The following AKAP11 variants were observed in gnomAD, a reference collection of about 807,000 sequenced individuals.
AKAP11 encodes the protein A-kinase anchoring protein 11, also known as A-kinase anchor protein 11.
AKAP11 carries 36 observed loss-of-function variants against 146.1 expected under a neutral mutation model. The observed-to-expected ratio is 0.25, with a 90% CI of 0.19 to 0.33. The LOEUF is 0.33. AKAP11 is among the 10% of genes least tolerant of loss of function. AKAP11 has a pLI of 1.00. For synonymous variants in AKAP11, 780 were observed against 786.5 expected, an observed-to-expected ratio of 0.99 and a Z score of 0.14; for missense variants, 2,201 against 2,197.0, an observed-to-expected ratio of 1.00 and a Z score of -0.04.
intron 1 of AKAP11, among the ~76,000 whole-genome samples, chr13:42,275,209 GT>G: frequency 6.6e-6 from 1 of 152,344 alleles, no homozygotes; most frequent in Admixed American, 6.5e-5. Flanking sequence ...GTCTGTTCCA[GT>G]TTCTTTCAGA....
rs374768742 is a variant in AKAP11, at chr13:42,301,409, T to C, written c.2663T>C (p.Leu888Ser). Residue 888 changes from leucine (L) to serine (S), a missense_variant, in exon 8 of 13, where the codon TTA (leucine) becomes TCA (serine). Physicochemically the swap from Leu to Ser is moderately radical, Grantham distance 145. This residue lies in a region of AKAP11 where 1,867 missense variants were observed against 1,833.5 expected (regional missense o/e 1.02). Transcript: ENST00000025301. ...GTGCATACGATAGTAAATGAAACTTTAGAGTCAATGACATCATTGGAAGTT... is the reference window on the plus strand; with the variant it reads ...GTGCATACGATAGTAAATGAAACTTCAGAGTCAATGACATCATTGGAAGTT... ...AVVHTIVNET[L>S]ESMTSLEVTK... 25 of 1,613,574 alleles carry C rather than the reference T, an allele frequency of 1.5e-5. No individual in the cohort carries two copies. Among genetic ancestry groups the C allele is most frequent in the Admixed American group, 1.5e-4 (9 of 59,914 alleles).
Position 42,317,660 on chromosome 13 carries a change from A to G in AKAP11, c.5537A>G (p.His1846Arg), listed in dbSNP as rs1473343354. 6.2e-7 allele frequency: 1 copy of G among 1,613,924 alleles called. No individual in the cohort carries two copies. The highest frequency in any genetic ancestry group is 1.3e-5 in the African/African-American group (1 of 74,914). The change falls in exon 12 of 13, where the codon CAT (histidine) becomes CGT (arginine). Residue 1846 changes from histidine to arginine, a missense_variant. His to Arg is a conservative substitution (Grantham distance 29). This residue lies in a region of AKAP11 where 1,867 missense variants were observed against 1,833.5 expected (regional missense o/e 1.02). Transcript: ENST00000025301. Reference protein sequence around the residue: ...SEAEVAELYFHDSANKEFMLL... With the variant: ...SEAEVAELYFRDSANKEFMLL... Reference sequence around the variant, plus strand: ...GCTGAAGTTGCAGAACTTTATTTTCATGACTCTGCAAATAAGGAGTTTATG... The same window carrying G: ...GCTGAAGTTGCAGAACTTTATTTTCGTGACTCTGCAAATAAGGAGTTTATG...
chr13:42,317,952 TA>T (rs952213572), intron 12 of AKAP11, among the ~76,000 whole-genome samples: 3 of 151,996 alleles, frequency 2.0e-5, no homozygotes, highest in South Asian at 2.1e-4. Context: ...AATATAATGT[TA>T]AAAAAAATGC....
At chr13:42,312,954 C>A in intron 9 of AKAP11, 93 bp from the exon 10 acceptor site, 1 of 988,184 alleles carries the variant, frequency 1.0e-6, no homozygotes, top group Non-Finnish European at 1.5e-6. Context: ...AGAACATCTG[C>A]AGTTATCAAG....
rs1961069671 is a variant in AKAP11 at position 42,321,142 on chromosome 13, T to C, written c.*1914T>C. ...AATTATGAATTAATTGATTATTAAG[T>C]TTAGAATGCATTTTTACAAGTATCT... is the stretch of plus-strand genomic sequence containing the variant. On this transcript the variant is annotated 3_prime_UTR_variant, in exon 13 of 13. Coordinates refer to ENST00000025301, the MANE Select transcript of AKAP11 (RefSeq NM_016248.4). 1 of 152,344 alleles carries C rather than the reference T, an allele frequency of 6.6e-6. No individual in the cohort carries two copies. The highest frequency in any genetic ancestry group is 2.1e-4 in the South Asian group (1 of 4,826). 9.4% of individuals were successfully genotyped at this position (152,344 alleles called of 1,614,324 possible).
At chr13:42,310,183 C>T (rs751457286) in intron 9 of AKAP11, among the ~76,000 whole-genome samples, 2 of 152,250 alleles carry the variant, frequency 1.3e-5, no homozygotes, top group East Asian at 3.9e-4. Flanking sequence ...AAGTGGGGAG[C>T]AAACCTGGCT....
chr13:42,308,651 A>C, intron 9 of AKAP11, 42 bp downstream of exon 9: 4 of 1,443,726 alleles, frequency 2.8e-6, no homozygotes, highest in Non-Finnish European at 3.7e-6. Flanking sequence ...TTAGGTCCTC[A>C]GATCTTAGAA....
chr13:42,292,629 T>A, intron 4 of AKAP11, 128 bp downstream of exon 4: 1 of 516,332 alleles, frequency 1.9e-6, no homozygotes, highest in Non-Finnish European at 3.2e-6. Flanking sequence ...GTATCAGAAG[T>A]ACCTGTTTTG....
intron 1 of AKAP11, among the ~76,000 whole-genome samples, chr13:42,282,560 A>G (rs187103528): frequency 2.6e-5 from 4 of 152,194 alleles, no homozygotes; most frequent in African/African-American, 4.8e-5. Context: ...AAAGTGCCCT[A>G]TATCTCTGTT....
At chr13:42,271,861 C>T (rs947006627), upstream of AKAP11, among the ~76,000 whole-genome samples, 4 of 149,998 alleles carry the variant, frequency 2.7e-5, no homozygotes, top group African/African-American at 7.3e-5. Context: ...CGGGGCTGCC[C>T]CGCGGGCTGC....
Position 42,302,526 on chromosome 13 carries a change from G to A in AKAP11, c.3780G>A (p.Ala1260=), listed in dbSNP as rs368757742. The change falls in exon 8 of 13, where the codon GCG becomes GCA. Residue 1260 remains alanine (A), a synonymous_variant. Coordinates refer to ENST00000025301, the MANE Select transcript of AKAP11 (RefSeq NM_016248.4). ...DENLKTLCNF[A]GDLAAEVITE... Reference sequence around the variant, plus strand: ...ATTTGAAAACATTATGCAATTTTGCGGGTGATCTGGCAGCAGAAGTCATTA... The same window carrying A: ...ATTTGAAAACATTATGCAATTTTGCAGGTGATCTGGCAGCAGAAGTCATTA... 43 of 1,613,972 alleles carry A rather than the reference G, an allele frequency of 2.7e-5. No individual in the cohort carries two copies. The highest frequency in any genetic ancestry group is 3.1e-5 in the Non-Finnish European group (36 of 1,180,032).
intron 1 of AKAP11, among the ~76,000 whole-genome samples, chr13:42,274,636 G>T (rs927198511): frequency 6.6e-6 from 1 of 150,574 alleles, no homozygotes; most frequent in East Asian, 1.9e-4. Context: ...AGTGAGCCGA[G>T]ATCGTGCCAC....
intron 5 of AKAP11, among the ~76,000 whole-genome samples, chr13:42,296,684 CA>C (rs1959535289): frequency 6.6e-6 from 1 of 151,468 alleles, no homozygotes; most frequent in African/African-American, 2.4e-5. Flanking sequence ...CATTCTCTAG[CA>C]AAAAATTTTG....
chr13:42,302,532 T>G lies in AKAP11; in HGVS notation c.3786T>G (p.Asp1262Glu), dbSNP rs200595109. The change falls in exon 8 of 13, where the codon GAT (aspartate) becomes GAG (glutamate). Residue 1262 changes from aspartate (D) to glutamate (E), a missense_variant. This residue lies in a region of AKAP11 where 1,867 missense variants were observed against 1,833.5 expected (regional missense o/e 1.02). Transcript: ENST00000025301. ...AAACATTATGCAATTTTGCGGGTGA[T>G]CTGGCAGCAGAAGTCATTACAGAAG... ...NLKTLCNFAG[D>E]LAAEVITEAE... is the part of the protein sequence containing the mutation. 9.3e-5 allele frequency: 150 copies of G among 1,614,124 alleles called. No homozygotes were observed. In the East Asian group the frequency reaches 3.2e-3, roughly 35 times the overall value.
rs932872958 is a variant in AKAP11, at chr13:42,292,425, T to G, written c.92T>G (p.Leu31Trp). Residue 31 changes from leucine (L) to tryptophan (W), a missense_variant, in exon 4 of 13, where the codon TTG becomes TGG. By Grantham distance (61) the Leu-to-Trp change is moderately conservative (BLOSUM62 -2). Coordinates refer to ENST00000025301, the MANE Select transcript of AKAP11 (RefSeq NM_016248.4). Reference protein sequence around the residue: ...EDVFQSVKSLLQSQKELCSVT... With the variant: ...EDVFQSVKSLWQSQKELCSVT... ...GTGTTCCAGTCTGTAAAGTCTTTAT[T>G]GCAGAGTCAGAAGGAACTATGCAGT... 3 of 1,594,502 alleles carry G rather than the reference T, an allele frequency of 1.9e-6. No individual in the cohort carries two copies. Among genetic ancestry groups the G allele is most frequent in the Non-Finnish European group, 2.6e-6 (3 of 1,166,182 alleles).
At chr13:42,314,567 CATGTT>C (rs1960727214) in intron 11 of AKAP11, among the ~76,000 whole-genome samples, 1 of 151,794 alleles carries the variant, frequency 6.6e-6, no homozygotes, top group Middle Eastern at 3.4e-3. Flanking sequence ...AATTCTTACT[CATGTT>C]ATAAGATAAT....
In AKAP11 at chr13:42,310,040, C is replaced by G. The variant is rs1274255297; in HGVS notation, c.5273+1431C>G. Among the ~76,000 whole-genome samples the G allele has an allele frequency of 3.9e-5, 6 of 152,224 alleles. No individual in the cohort carries two copies. In the East Asian group the frequency reaches 1.2e-3, roughly 29 times the overall value. On this transcript the variant is annotated intron_variant, in intron 9 of 12. Coordinates refer to ENST00000025301, the MANE Select transcript of AKAP11 (RefSeq NM_016248.4). ...GAATACTCATTTGTGGATGATTCAA[C>G]ACAGGCTGAAAAAAGAATCTCATTA...
chr13:42,299,889 G>A lies in AKAP11; in HGVS notation c.1143G>A (p.Gly381=). ...TGTTTAACAAAGATCCCGTCATAGG[G>A]AAGTCATCGCAGAGGAAAGGGCACA... is the stretch of plus-strand genomic sequence containing the variant. ...TCLFNKDPVI[G]KSSQRKGHKH... Residue 381 remains glycine (G), a synonymous_variant, in exon 8 of 13, where the codon GGG becomes GGA. Coordinates refer to ENST00000025301, the MANE Select transcript of AKAP11 (RefSeq NM_016248.4). 6.2e-7 allele frequency: 1 copy of A among 1,613,928 alleles called. No individual in the cohort carries two copies. The highest frequency in any genetic ancestry group is 2.2e-5 in the East Asian group (1 of 44,884).
chr13:42,306,004 C>T (rs919744927), intron 8 of AKAP11, among the ~76,000 whole-genome samples: 31 of 152,210 alleles, frequency 2.0e-4, no homozygotes, highest in African/African-American at 7.2e-4. Flanking sequence ...GAGGAAGCCG[C>T]CCTCATGATC....
Sources: allele counts gnomAD v4.1 joint callset (sites outside exome capture counted in the v4.1 genomes callset), GRCh38; gene constraint gnomAD v4.1.1; regional missense constraint gnomAD v4.1.1; transcripts MANE v1.5; gene names NCBI Gene and HGNC (gene_info 2026-07-23, HGNC 2026-07-21).